Variants in KCTD16 observed in about 807,000 individuals in gnomAD.
KCTD16 encodes the protein BTB/POZ domain-containing protein KCTD16.
In KCTD16, 13 loss-of-function variants were observed where a neutral mutation model predicts 33.2. The observed-to-expected ratio is 0.39, with a 90% CI of 0.25 to 0.62. KCTD16 has a LOEUF of 0.62. Among genes scored for constraint, KCTD16 ranks in the 20% least tolerant of loss-of-function variants. The probability of loss-of-function intolerance (pLI) is 0.50; values close to 1 mark genes in which losing one functional copy is unlikely to be tolerated. For missense variants in KCTD16, 441 were observed against 525.1 expected, an observed-to-expected ratio of 0.84 and a Z score of 1.57; for synonymous variants, 197 against 195.3, an observed-to-expected ratio of 1.01 and a Z score of -0.07.
At chr5:144,441,772 G>GTT (rs60099462) in intron 3 of KCTD16, among the ~76,000 whole-genome samples, 4 of 111,882 alleles carry the variant, frequency 3.6e-5, no homozygotes, top group Non-Finnish European at 4.0e-5. Context: ...CTCTAAATTT[G>GTT]TTTTTTTTTT....
intron 3 of KCTD16, among the ~76,000 whole-genome samples, chr5:144,298,189 G>A (rs566971191): frequency 6.6e-6 from 1 of 152,124 alleles, no homozygotes; most frequent in Non-Finnish European, 1.5e-5. Context: ...TTCACCACAC[G>A]GCCCAAGATT....
chr5:144,390,258 G>A (rs1259517526), intron 3 of KCTD16, among the ~76,000 whole-genome samples: 1 of 152,166 alleles, frequency 6.6e-6, no homozygotes, highest in Admixed American at 6.5e-5. Context: ...TCTACCTAAC[G>A]TGATTTTAAA....
intron 3 of KCTD16, among the ~76,000 whole-genome samples, chr5:144,220,999 C>T (rs1185873791): frequency 2.0e-5 from 3 of 151,812 alleles, no homozygotes; most frequent in Non-Finnish European, 4.4e-5. Flanking sequence ...CAACTTGAAC[C>T]TTGAGAAAGA....
intron 3 of KCTD16, among the ~76,000 whole-genome samples, chr5:144,325,618 C>T (rs1037333122): frequency 2.2e-4 from 34 of 152,074 alleles, no homozygotes; most frequent in African/African-American, 7.2e-4. Context: ...ATTCTCCTTT[C>T]GGCCTAGCTA....
At position 144,231,536 on chromosome 5, in the gene KCTD16, CA is replaced by C. The variant is rs562047236; in HGVS notation, c.832+23991del. On this transcript the variant is annotated intron_variant, in intron 3 of 3. Transcript: ENST00000512467. ...AATCTAGTGATAGTCTGTGATACTA[CA>C]TACCATATGTAGAATGTATCTGATA... is the stretch of plus-strand genomic sequence containing the variant. Among the ~76,000 whole-genome samples the C allele has an allele frequency of 3.9e-5, 6 of 152,304 alleles. No individual in the cohort carries two copies. In the South Asian group the frequency reaches 1.2e-3, roughly 32 times the overall value.
intron 3 of KCTD16, among the ~76,000 whole-genome samples, chr5:144,330,564 A>T (rs2126890899): frequency 6.6e-6 from 1 of 152,262 alleles, no homozygotes; most frequent in East Asian, 1.9e-4. Flanking sequence ...TATAATAGAT[A>T]TACAAATGAG....
intron 1 of KCTD16, among the ~76,000 whole-genome samples, chr5:144,172,864 A>G (rs1752424590): frequency 1.3e-5 from 2 of 152,228 alleles, no homozygotes; most frequent in African/African-American, 2.4e-5. Context: ...TTATGGTTAA[A>G]AAAATTCTAG....
chr5:144,463,523 C>A (rs1020046407), intron 3 of KCTD16, among the ~76,000 whole-genome samples: 15 of 152,176 alleles, frequency 9.9e-5, no homozygotes, highest in African/African-American at 3.6e-4. Flanking sequence ...TTATTTCCAA[C>A]ATTTTTTGAT....
chr5:144,199,904 A>G (rs1388168789), intron 2 of KCTD16, among the ~76,000 whole-genome samples: 2 of 151,768 alleles, frequency 1.3e-5, no homozygotes, highest in Admixed American at 1.3e-4. Context: ...TAGTAGAGAC[A>G]GGGTTTCACC....
chr5:144,358,836 G>A (rs1040551738), intron 3 of KCTD16, among the ~76,000 whole-genome samples: 5 of 152,160 alleles, frequency 3.3e-5, no homozygotes, highest in African/African-American at 7.2e-5. Context: ...CTTTTATAAA[G>A]TCACTAATCC....
chr5:144,354,969 C>T (rs1373774955), intron 3 of KCTD16, among the ~76,000 whole-genome samples: 1 of 152,112 alleles, frequency 6.6e-6, no homozygotes, highest in Admixed American at 6.6e-5. Context: ...ATGTGTTAGA[C>T]CCTTTACTAA....
intron 3 of KCTD16, among the ~76,000 whole-genome samples, chr5:144,296,521 T>A (rs1170328497): frequency 3.3e-5 from 5 of 152,162 alleles, no homozygotes; most frequent in Admixed American, 1.3e-4. Flanking sequence ...TCTATAGATA[T>A]AATAAAATAA....
rs61229074 is a variant in KCTD16, at chr5:144,337,701, T to C, written c.832+130155T>C. Among the ~76,000 whole-genome samples the C allele has an allele frequency of 1.9e-3, 287 of 152,344 alleles. 2 individuals are homozygous for C. Among genetic ancestry groups the C allele is most frequent in the African/African-American group, 6.4e-3 (267 of 41,582 alleles). On this transcript the variant is annotated intron_variant, in intron 3 of 3. Transcript: ENST00000512467. Reference sequence around the variant, plus strand: ...AATAATTTGCTTTTGTGAAATGTTCTTTACTCAACTCTCGACAAGACCTAC... The same window carrying C: ...AATAATTTGCTTTTGTGAAATGTTCCTTACTCAACTCTCGACAAGACCTAC...
intron 2 of KCTD16, among the ~76,000 whole-genome samples, chr5:144,193,081 A>C (rs1328352960): frequency 2.0e-5 from 3 of 152,056 alleles, no homozygotes; most frequent in Non-Finnish European, 4.4e-5. Flanking sequence ...ATTCTACTTC[A>C]CTCTGGTCTG....
chr5:144,472,821 A>T (rs948298065), intron 3 of KCTD16, among the ~76,000 whole-genome samples: 1 of 152,350 alleles, frequency 6.6e-6, no homozygotes, highest in Admixed American at 6.5e-5. Flanking sequence ...GGAGAGGTTA[A>T]CAAGAAATTC....
At chr5:144,221,833 A>C (rs1048634219) in intron 3 of KCTD16, among the ~76,000 whole-genome samples, 13 of 152,188 alleles carry the variant, frequency 8.5e-5, no homozygotes, top group Non-Finnish European at 1.5e-4. Flanking sequence ...ATCCTTGAGG[A>C]ATCCCCACAC....
intron 3 of KCTD16, among the ~76,000 whole-genome samples, chr5:144,343,303 T>G (rs1352376346): frequency 1.3e-5 from 2 of 152,050 alleles, no homozygotes; most frequent in Non-Finnish European, 2.9e-5. Context: ...TGGTTTAGTC[T>G]TGGGAGGGTG....
intron 3 of KCTD16, among the ~76,000 whole-genome samples, chr5:144,372,161 C>A (rs541231170): frequency 6.6e-6 from 1 of 150,786 alleles, no homozygotes; most frequent in South Asian, 2.1e-4. Context: ...TATGCAATTT[C>A]TAAATAAGTG....
chr5:144,275,975 G>A (rs921105668), intron 3 of KCTD16, among the ~76,000 whole-genome samples: 4 of 152,164 alleles, frequency 2.6e-5, no homozygotes, highest in African/African-American at 7.2e-5. Context: ...GTGCCTTTAG[G>A]ACTTTTCAAA....
Sources: allele counts gnomAD v4.1 joint callset (sites outside exome capture counted in the v4.1 genomes callset), GRCh38; gene constraint gnomAD v4.1.1; transcripts MANE v1.5; gene names NCBI Gene and HGNC (gene_info 2026-07-23, HGNC 2026-07-21).